Variants in SCFD2 observed in about 807,000 individuals in gnomAD.
SCFD2 encodes the protein sec1 family domain-containing protein 2.
SCFD2 carries 54 observed loss-of-function variants against 58.9 expected under a neutral mutation model. The observed-to-expected ratio is 0.92, with a 90% CI of 0.74 to 1.15. SCFD2 has a LOEUF of 1.15. Among genes scored for constraint, SCFD2 ranks in the 50% most tolerant of loss-of-function variants. The pLI, the probability that SCFD2 is intolerant of heterozygous loss-of-function variation, is 0.00. For missense variants in SCFD2, 805 were observed against 836.6 expected, an observed-to-expected ratio of 0.96 and a Z score of 0.47; for synonymous variants, 321 against 335.9, an observed-to-expected ratio of 0.96 and a Z score of 0.49.
intron 5 of SCFD2, among the ~76,000 whole-genome samples, chr4:53,109,750 C>T (rs1420641811): frequency 6.6e-6 from 1 of 152,098 alleles, no homozygotes; most frequent in Non-Finnish European, 1.5e-5. Flanking sequence ...ACATTCCATG[C>T]TTATTAATAG....
chr4:53,083,412 T>C (rs1172629822), intron 5 of SCFD2, among the ~76,000 whole-genome samples: 2 of 152,094 alleles, frequency 1.3e-5, no homozygotes, highest in African/African-American at 4.8e-5. Flanking sequence ...ACTATTTTTT[T>C]AAAAAAAGAA....
chr4:53,199,753 C>A (rs746308755), intron 4 of SCFD2, among the ~76,000 whole-genome samples: 3 of 152,096 alleles, frequency 2.0e-5, no homozygotes, highest in Non-Finnish European at 2.9e-5. Context: ...AGCTACCTGT[C>A]CCCGTACAAA....
intron 5 of SCFD2, among the ~76,000 whole-genome samples, chr4:53,029,456 G>A (rs1722562009): frequency 6.6e-6 from 1 of 152,130 alleles, no homozygotes; most frequent in African/African-American, 2.4e-5. Flanking sequence ...AGATCATATT[G>A]TACATGCACT....
At chr4:53,095,698 A>G (rs1724603047) in intron 5 of SCFD2, among the ~76,000 whole-genome samples, 1 of 151,940 alleles carries the variant, frequency 6.6e-6, no homozygotes, top group Non-Finnish European at 1.5e-5. Flanking sequence ...TTCATGACCT[A>G]CTACTACATT....
At chr4:53,329,407 C>A (rs1161512553) in intron 2 of SCFD2, among the ~76,000 whole-genome samples, 3 of 152,050 alleles carry the variant, frequency 2.0e-5, no homozygotes, top group Non-Finnish European at 4.4e-5. Context: ...TCAGAACGGG[C>A]AGACTGCCTC....
chr4:52,955,596 T>C (rs1463184857), intron 5 of SCFD2, among the ~76,000 whole-genome samples: 1 of 152,212 alleles, frequency 6.6e-6, no homozygotes, highest in East Asian at 1.9e-4. Context: ...GTAACAGATC[T>C]AGAAGTCCAA....
chr4:53,247,837 C>T (rs1225020746), intron 4 of SCFD2, among the ~76,000 whole-genome samples: 5 of 115,072 alleles, frequency 4.3e-5, no homozygotes, highest in African/African-American at 1.0e-4. Context: ...GTCCGCAGTC[C>T]AGCCTGGGCA....
chr4:53,260,210 T>A (rs1325427911), intron 4 of SCFD2, among the ~76,000 whole-genome samples: 1 of 152,154 alleles, frequency 6.6e-6, no homozygotes, highest in Non-Finnish European at 1.5e-5. Flanking sequence ...CAGATTTGGA[T>A]GCCTTTTATT....
intron 5 of SCFD2, among the ~76,000 whole-genome samples, chr4:53,137,740 T>C (rs1040858806): frequency 2.6e-5 from 4 of 152,188 alleles, no homozygotes; most frequent in African/African-American, 9.7e-5. Flanking sequence ...ATAATGTGAG[T>C]AAATCAATGA....
intron 4 of SCFD2, among the ~76,000 whole-genome samples, chr4:53,204,267 A>T (rs2148971334): frequency 6.6e-6 from 1 of 152,240 alleles, no homozygotes; most frequent in South Asian, 2.1e-4. Context: ...TATGGAAGAT[A>T]AAACAACTTT....
intron 4 of SCFD2, among the ~76,000 whole-genome samples, chr4:53,168,290 G>A (rs1196606023): frequency 5.3e-5 from 8 of 152,280 alleles, no homozygotes; most frequent in African/African-American, 1.9e-4. Flanking sequence ...CAGATTGGTA[G>A]TGTCCCTAGT....
intron 4 of SCFD2, among the ~76,000 whole-genome samples, chr4:53,251,653 T>C (rs1386747384): frequency 3.9e-5 from 6 of 152,128 alleles, no homozygotes; most frequent in Non-Finnish European, 5.9e-5. Flanking sequence ...TCTCAATAGA[T>C]GCAGAAAAGG....
Position 52,897,779 on chromosome 4 carries a change from T to C in SCFD2, c.1842+9678A>G, listed in dbSNP as rs564365730. 5.3e-5 allele frequency among the ~76,000 whole-genome samples: 8 copies of C among 152,366 alleles called. No homozygotes were observed. In the East Asian group the frequency reaches 1.5e-3, roughly 29 times the overall value. ...GGTAGAATTCAACTGCGAATCCATC[T>C]GGTCCTGGACTTTTTTTGGTTGGTA... On this transcript the variant is annotated intron_variant, in intron 7 of 8. Coordinates refer to ENST00000401642, the MANE Select transcript of SCFD2 (RefSeq NM_152540.4).
At chr4:53,249,512 A>G (rs1224213243) in intron 4 of SCFD2, among the ~76,000 whole-genome samples, 1 of 152,178 alleles carries the variant, frequency 6.6e-6, no homozygotes, top group African/African-American at 2.4e-5. Context: ...TGTCAGATTC[A>G]CAAAGTTGAA....
chr4:53,115,438 G>C (rs1324776787), intron 5 of SCFD2, among the ~76,000 whole-genome samples: 1 of 152,094 alleles, frequency 6.6e-6, no homozygotes, highest in Non-Finnish European at 1.5e-5. Flanking sequence ...CATGGAAGTG[G>C]TACAAAATTT....
chr4:53,247,588 G>A (rs368190329), intron 4 of SCFD2, among the ~76,000 whole-genome samples: 7 of 152,126 alleles, frequency 4.6e-5, no homozygotes, highest in South Asian at 4.2e-4. Context: ...GGCCGGGCGC[G>A]GTGGCTCACG....
intron 2 of SCFD2, among the ~76,000 whole-genome samples, chr4:53,349,942 C>T (rs1243394427): frequency 6.6e-6 from 1 of 152,140 alleles, no homozygotes; most frequent in Non-Finnish European, 1.5e-5. Context: ...TAGGCCTCCA[C>T]CAAGTCTAAC....
At chr4:52,887,051 G>A (rs892701297) in intron 7 of SCFD2, among the ~76,000 whole-genome samples, 1 of 152,168 alleles carries the variant, frequency 6.6e-6, no homozygotes, top group Non-Finnish European at 1.5e-5. Flanking sequence ...AACTCCATGA[G>A]GCAAGAGCCT....
intron 7 of SCFD2, among the ~76,000 whole-genome samples, chr4:52,903,655 C>T (rs934000195): frequency 1.3e-5 from 2 of 152,218 alleles, no homozygotes; most frequent in African/African-American, 4.8e-5. Flanking sequence ...ACAGTGATAG[C>T]TCTCACATTC....
Sources: gnomAD v4.1 joint callset for allele counts (sites outside exome capture counted in the v4.1 genomes callset) on GRCh38, gnomAD v4.1.1 for gene constraint, MANE v1.5 for transcripts, NCBI Gene and HGNC (gene_info 2026-07-23, HGNC 2026-07-21) for gene names.